The following PGLYRP3 variants were observed in gnomAD, a reference collection of about 807,000 sequenced individuals.
PGLYRP3 encodes peptidoglycan recognition protein I alpha.
PGLYRP3 carries 39 observed loss-of-function variants against 36.0 expected under a neutral mutation model. The observed-to-expected ratio is 1.08, with a 90% CI of 0.84 to 1.41. The LOEUF (loss-of-function observed/expected upper bound fraction) is 1.41. Ranked by LOEUF, PGLYRP3 falls within the 40% of genes most tolerant of loss-of-function variation. PGLYRP3 has a pLI of 0.00. For missense variants in PGLYRP3, 407 were observed against 427.9 expected, an observed-to-expected ratio of 0.95 and a Z score of 0.43; for synonymous variants, 204 against 172.8, an observed-to-expected ratio of 1.18 and a Z score of -1.42.
At chr1:153,302,108 A>G (rs756880862) in intron 6 of PGLYRP3, among the ~76,000 whole-genome samples, 1 of 152,232 alleles carries the variant, frequency 6.6e-6, no homozygotes, top group Non-Finnish European at 1.5e-5. Context: ...ATTGCATTAA[A>G]AAGGTACAAC....
intron 6 of PGLYRP3, among the ~76,000 whole-genome samples, chr1:153,301,365 A>C (rs1379795684): frequency 6.6e-6 from 1 of 152,242 alleles, no homozygotes; most frequent in Non-Finnish European, 1.5e-5. Flanking sequence ...TCCTGATTAC[A>C]GTCCATATCA....
Position 153,298,069 on chromosome 1 carries a change from C to T in PGLYRP3, c.913G>A (p.Gly305Arg), listed in dbSNP as rs146741860. 1.9e-6 allele frequency: 3 copies of T among 1,614,042 alleles called. No homozygotes were observed. Among genetic ancestry groups the T allele is most frequent in the South Asian group, 1.1e-5 (1 of 91,074 alleles). Residue 305 changes from glycine to arginine, a missense_variant, in exon 8 of 8, where the codon GGG becomes AGG. Gly to Arg is a moderately radical substitution (Grantham distance 125). Transcript: ENST00000683862. ...AGCAGGTAGTTTGGAGTCAGGTACC[C>T]CTCAACCACGGCACACTGGATCAGG... ...QDLIQCAVVE[G>R]YLTPNYLLMG...
In PGLYRP3 at chr1:153,299,041, C is replaced by T. The variant is rs541002868; in HGVS notation, c.847+72G>A. 7.8e-5 allele frequency: 101 copies of T among 1,302,400 alleles called. 1 individual carries two copies. Among genetic ancestry groups the T allele is most frequent in the South Asian group, 6.7e-4 (56 of 84,210 alleles). 80.7% of individuals were successfully genotyped at this position (1,302,400 alleles called of 1,614,324 possible). On this transcript the variant is annotated intron_variant, in intron 7 of 7. Transcript: ENST00000683862. ...CCAGGCACTACAGGGCTGCCTTTCC[C>T]GCCATGCTTCCCAGACATGCTGCAT... is the stretch of plus-strand genomic sequence containing the variant.
At chr1:153,298,185 T>C in intron 7 of PGLYRP3, 51 bp from the exon 8 acceptor site, 1 of 1,589,958 alleles carries the variant, frequency 6.3e-7, no homozygotes, top group Non-Finnish European at 8.6e-7. Flanking sequence ...AGTTTCTTGA[T>C]TAGGGAAGGG....
At position 153,302,480 on chromosome 1, in the gene PGLYRP3, G is replaced by A. The variant is rs528613465; in HGVS notation, c.657C>T (p.Asp219=). Reference sequence around the variant, plus strand: ...GTATGTTTCGGACGACAGTCTGGCAGTCTGTGGATACAGTGCAGCTTGTGC... The same window carrying A: ...GTATGTTTCGGACGACAGTCTGGCAATCTGTGGATACAGTGCAGCTTGTGC... ...TAGTSCTVST[D]CQTVVRNIQS... Residue 219 remains aspartate, a synonymous_variant, in exon 6 of 8, where the codon GAC becomes GAT. Coordinates refer to ENST00000683862, the MANE Select transcript of PGLYRP3 (RefSeq NM_052891.3). The A allele has an allele frequency of 6.2e-7, 1 of 1,614,226 alleles. No individual in the cohort carries two copies. The highest frequency in any genetic ancestry group is 1.3e-5 in the African/African-American group (1 of 75,056).
chr1:153,305,728 C>A (rs904824057), intron 3 of PGLYRP3, among the ~76,000 whole-genome samples: 1 of 152,186 alleles, frequency 6.6e-6, no homozygotes, highest in Non-Finnish European at 1.5e-5. Context: ...AGAACACCTC[C>A]CTTAGGTCAA....
chr1:153,301,203 G>A (rs1352282302), intron 6 of PGLYRP3, among the ~76,000 whole-genome samples: 2 of 152,206 alleles, frequency 1.3e-5, no homozygotes, highest in Admixed American at 6.5e-5. Context: ...TTATAGGCAT[G>A]AGCCACCGTG....
chr1:153,307,388 T>TG, intron 2 of PGLYRP3, 121 bp from the exon 3 acceptor site: 1 of 929,678 alleles, frequency 1.1e-6, no homozygotes, highest in Non-Finnish European at 1.6e-6. Context: ...GGAGACACCC[T>TG]GGGGGAGCCC....
In PGLYRP3 at chr1:153,297,527, G is replaced by GA. The variant is rs1173269251; in HGVS notation, c.*428dup. Among the ~76,000 whole-genome samples, 47 of 82,996 alleles carry GA rather than the reference G, an allele frequency of 5.7e-4. No homozygotes were observed. The highest frequency in any genetic ancestry group is 2.2e-3 in the African/African-American group (43 of 19,522). The allele number at this position is 82,996 out of a possible 152,430, so 54.4% of individuals were successfully genotyped here. On this transcript the variant is annotated 3_prime_UTR_variant, in exon 8 of 8. Coordinates refer to ENST00000683862, the MANE Select transcript of PGLYRP3 (RefSeq NM_052891.3). ...GGAAGGAAGGAAGGAAGGAAGGAAGGAAGGAAGGAAGGAAGGAAGGAAGGA... is the reference window on the plus strand; with the variant it reads ...GGAAGGAAGGAAGGAAGGAAGGAAGGAAAGGAAGGAAGGAAGGAAGGAAGGA...
At chr1:153,305,161 G>C (rs1296153542) in intron 3 of PGLYRP3, 96 bp from the exon 4 acceptor site, 1 of 932,568 alleles carries the variant, frequency 1.1e-6, no homozygotes, top group Admixed American at 2.2e-5. Flanking sequence ...AGGCTCATAA[G>C]TAAGTACTAT....
In PGLYRP3 at chr1:153,297,646, G is replaced by T. The variant is rs933407153; in HGVS notation, c.*310C>A. Among the ~76,000 whole-genome samples the T allele has an allele frequency of 3.3e-5, 5 of 151,952 alleles. No homozygotes were observed. Among genetic ancestry groups the T allele is most frequent in the South Asian group, 4.2e-4 (2 of 4,806 alleles). On this transcript the variant is annotated 3_prime_UTR_variant, in exon 8 of 8. Transcript: ENST00000683862. Reference sequence around the variant, plus strand: ...AAGAAAGAAGAGGAGACAGGGGTTGGGGGGAGAGAGAGAGAAATGCCACAA... The same window carrying T: ...AAGAAAGAAGAGGAGACAGGGGTTGTGGGGAGAGAGAGAGAAATGCCACAA...
At chr1:153,299,821 C>G (rs1659541607) in intron 6 of PGLYRP3, among the ~76,000 whole-genome samples, 2 of 152,276 alleles carry the variant, frequency 1.3e-5, no homozygotes, top group Non-Finnish European at 1.5e-5. Flanking sequence ...TGCCTTCTAC[C>G]CCCTCACTCA....
Position 153,302,693 on chromosome 1 carries a change from C to T in PGLYRP3, c.530-86G>A, listed in dbSNP as rs1055975522. The T allele has an allele frequency of 6.9e-6, 9 of 1,300,646 alleles. No homozygotes were observed. The Admixed American group carries it at 1.4e-4, about 21-fold the overall frequency. The allele number at this position is 1,300,646 out of a possible 1,614,324, so 80.6% of individuals were successfully genotyped here. A position where few individuals can be genotyped will look rare whatever the true frequency, so the allele number is the denominator to read the frequency against. On this transcript the variant is annotated intron_variant, in intron 5 of 7. Coordinates refer to ENST00000683862, the MANE Select transcript of PGLYRP3 (RefSeq NM_052891.3). ...CTCAACTCCAGGCTGGATTATTCCT[C>T]AGCCTCTCCCAGGCCTCCAGCACCC... is the stretch of plus-strand genomic sequence containing the variant.
At position 153,305,059 on chromosome 1, in the gene PGLYRP3, C is replaced by A. The variant is rs771082765; in HGVS notation, c.264G>T (p.Leu88=). The part of the protein sequence containing the change: ...IGWCDVAYNF[L]VGDDGRVYEG... ...CATACACCCTGCCATCATCCCCAAC[C>A]AGGAAGCTGACAAGAAGGAAATAAT... The change falls in exon 4 of 8, where the codon CTG becomes CTT. Residue 88 remains leucine (L), a synonymous_variant. Transcript: ENST00000683862. 6.2e-7 allele frequency: 1 copy of A among 1,609,240 alleles called. No homozygotes were observed. The highest frequency in any genetic ancestry group is 8.5e-7 in the Non-Finnish European group (1 of 1,178,140).
At position 153,303,931 on chromosome 1, in the gene PGLYRP3, G is replaced by A. The variant is rs1557809389; in HGVS notation, c.455C>T (p.Pro152Leu). ...CAGAAGAAGTGGCTGAATATACCTG[G>A]GCGACAGGTGACCCTTCTGGATGGC... ...SYAIQKGHLSPRYIQPLLLKE... is the reference protein window; with the variant it reads ...SYAIQKGHLSLRYIQPLLLKE... The change falls in exon 5 of 8, where the codon CCC becomes CTC. Residue 152 changes from proline to leucine, a missense_variant. Transcript: ENST00000683862. 1 of 1,614,028 alleles carries A rather than the reference G, an allele frequency of 6.2e-7. No homozygotes were observed. Among genetic ancestry groups the A allele is most frequent in the Non-Finnish European group, 8.5e-7 (1 of 1,179,964 alleles).
chr1:153,297,972 G>C lies in PGLYRP3; in HGVS notation c.1010C>G (p.Pro337Arg). 1 of 1,613,926 alleles carries C rather than the reference G, an allele frequency of 6.2e-7. No individual in the cohort carries two copies. The highest frequency in any genetic ancestry group is 8.5e-7 in the Non-Finnish European group (1 of 1,179,958). Reference protein sequence around the residue: ...QALYNIISTWPHFKH With the variant: ...QALYNIISTWRHFKH ...GGGCCTCCTTCAGTGCTTGAAATGA[G>C]GCCAGGTGCTGATGATGTTATACAA... The change falls in exon 8 of 8, where the codon CCT (proline) becomes CGT (arginine). Residue 337 changes from proline to arginine, a missense_variant. Pro to Arg is a moderately radical substitution (Grantham distance 103). Transcript: ENST00000683862.
rs879350829 is a variant in PGLYRP3 at position 153,297,553 on chromosome 1, A to AGGAAGGAAGGAAGGAG, written c.*402_*403insCTCCTTCCTTCCTTCC. Among the ~76,000 whole-genome samples the AGGAAGGAAGGAAGGAG allele has an allele frequency of 1.3e-5, 1 of 75,788 alleles. No homozygotes were observed. Among genetic ancestry groups the AGGAAGGAAGGAAGGAG allele is most frequent in the Non-Finnish European group, 3.1e-5 (1 of 32,128 alleles). 49.7% of individuals were successfully genotyped at this position (75,788 alleles called of 152,430 possible). ...AAGGAAGGAAGGAAGGAAGGAAGGA[A>AGGAAGGAAGGAAGGAG]AGAAAGAAAAAGAAAGAAAGAAAGA... On this transcript the variant is annotated 3_prime_UTR_variant, in exon 8 of 8. Transcript: ENST00000683862.
In PGLYRP3 at chr1:153,297,585, A is replaced by AAAGAAAGAAAGAAAGAAAG. The variant is rs1557805513; in HGVS notation, c.*352_*370dup. On this transcript the variant is annotated 3_prime_UTR_variant, in exon 8 of 8. Coordinates refer to ENST00000683862, the MANE Select transcript of PGLYRP3 (RefSeq NM_052891.3). ...AAAAAGAAAGAAAGAAAGAAAGAAG[A>AAAGAAAGAAAGAAAGAAAG]AAGAAAGAAAGAAAGAAAGAGAAAG... Among the ~76,000 whole-genome samples, 5 of 48,528 alleles carry AAAGAAAGAAAGAAAGAAAG rather than the reference A, an allele frequency of 1.0e-4. No individual in the cohort carries two copies. The highest frequency in any genetic ancestry group is 2.9e-4 in the African/African-American group (4 of 13,810). 31.8% of individuals were successfully genotyped at this position (48,528 alleles called of 152,430 possible).
chr1:153,308,670 G>A (rs1453869430), intron 2 of PGLYRP3, among the ~76,000 whole-genome samples: 1 of 152,148 alleles, frequency 6.6e-6, no homozygotes, highest in East Asian at 1.9e-4. Flanking sequence ...CACATGGCCA[G>A]CAAGCTCAGA....
Sources: allele counts gnomAD v4.1 joint callset (sites outside exome capture counted in the v4.1 genomes callset), GRCh38; gene constraint gnomAD v4.1.1; transcripts MANE v1.5; gene names NCBI Gene and HGNC (gene_info 2026-07-23, HGNC 2026-07-21).